Variants in GRIA1 observed in about 807,000 individuals in gnomAD.
GRIA1 encodes the protein glutamate ionotropic receptor AMPA type subunit 1.
In GRIA1, 31 loss-of-function variants were observed where a neutral mutation model predicts 99.2. The observed-to-expected ratio is 0.31, with a 90% CI of 0.23 to 0.42. GRIA1 has a LOEUF of 0.42. Among genes scored for constraint, GRIA1 ranks in the 10% least tolerant of loss-of-function variants. GRIA1 has a pLI of 1.00. For synonymous variants in GRIA1, 438 were observed against 432.4 expected (o/e 1.01, Z -0.16); for missense variants, 782 against 1,157.5 (o/e 0.68, Z 4.71).
intron 2 of GRIA1, among the ~76,000 whole-genome samples, chr5:153,548,465 C>G (rs568997533): frequency 6.6e-6 from 1 of 152,256 alleles, no homozygotes; most frequent in South Asian, 2.1e-4. Context: ...CTAAATGTCC[C>G]TGTTGTCAGA....
chr5:153,746,198 G>A (rs1187859256), intron 11 of GRIA1, among the ~76,000 whole-genome samples: 1 of 152,116 alleles, frequency 6.6e-6, no homozygotes, highest in Admixed American at 6.5e-5. Flanking sequence ...AATTGGCTGG[G>A]GAGTTTCTGA....
At chr5:153,500,730 G>A (rs1361171173) in intron 2 of GRIA1, among the ~76,000 whole-genome samples, 1 of 150,994 alleles carries the variant, frequency 6.6e-6, no homozygotes, top group Non-Finnish European at 1.5e-5. Flanking sequence ...AGTTGAATTT[G>A]GAAAGATAGG....
intron 2 of GRIA1, among the ~76,000 whole-genome samples, chr5:153,528,394 C>A (rs1207349967): frequency 6.6e-6 from 1 of 152,132 alleles, no homozygotes; most frequent in Admixed American, 6.5e-5. Context: ...TCTGCAAACC[C>A]ACTATTCTAG....
intron 2 of GRIA1, among the ~76,000 whole-genome samples, chr5:153,524,156 G>A (rs1757400230): frequency 6.6e-6 from 1 of 152,104 alleles, no homozygotes; most frequent in Non-Finnish European, 1.5e-5. Context: ...TGAAATCCCT[G>A]TCTCCACTAA....
chr5:153,702,973 T>G (rs528146193), intron 10 of GRIA1, among the ~76,000 whole-genome samples: 3 of 152,310 alleles, frequency 2.0e-5, no homozygotes, highest in South Asian at 4.1e-4. Context: ...AATCAGCCAG[T>G]TGCAGAGAAG....
At chr5:153,789,881 ATTG>A (rs56804040) in intron 13 of GRIA1, among the ~76,000 whole-genome samples, 41,958 of 151,726 alleles carry the variant, frequency 0.28, 6,071 homozygotes, top group South Asian at 0.39. Flanking sequence ...TCATAATAAT[ATTG>A]TTGTTGTTGT....
chr5:153,626,459 T>C (rs1767628224), intron 2 of GRIA1, among the ~76,000 whole-genome samples: 2 of 149,180 alleles, frequency 1.3e-5, no homozygotes, highest in African/African-American at 5.0e-5. Context: ...TGTGTGTGTG[T>C]GTGTGTGTGT....
At chr5:153,530,014 C>T (rs1757948966) in intron 2 of GRIA1, among the ~76,000 whole-genome samples, 1 of 152,154 alleles carries the variant, frequency 6.6e-6, no homozygotes, top group Non-Finnish European at 1.5e-5. Flanking sequence ...TCAAGTGCTG[C>T]TGCTGCTAAT....
intron 10 of GRIA1, 86 bp from the exon 11 acceptor site, chr5:153,705,611 C>G (rs1758830597): frequency 4.3e-6 from 6 of 1,409,318 alleles, no homozygotes; most frequent in Non-Finnish European, 5.5e-6. Flanking sequence ...AAAGAATAGT[C>G]ACAATGAGAA....
rs1244792378 is a variant in GRIA1 at position 153,490,958 on chromosome 5, A to C, written c.70A>C (p.Asn24His). The C allele has an allele frequency of 1.9e-6, 3 of 1,613,902 alleles. No individual in the cohort carries two copies. In the Admixed American group the frequency reaches 5.0e-5, roughly 27 times the overall value. The stretch of plus-strand genomic sequence containing the variant: ...GGTAGTAGGTGCCAATTTCCCCAAC[A>C]ATATCCAGATCGGTGAGTGAGGGGG... Reference protein sequence around the residue: ...GAVVGANFPNNIQIGGLFPNQ... With the variant: ...GAVVGANFPNHIQIGGLFPNQ... The change falls in exon 1 of 16, where the codon AAT becomes CAT. Residue 24 changes from asparagine (N) to histidine (H), a missense_variant. Physicochemically the swap from Asn to His is moderately conservative, Grantham distance 68 (BLOSUM62 1). This residue lies in a region of GRIA1 where 461 missense variants were observed against 521.7 expected (regional missense o/e 0.88). Coordinates refer to ENST00000285900, the MANE Select transcript of GRIA1 (RefSeq NM_000827.4).
At chr5:153,545,606 G>A (rs1431483388) in intron 2 of GRIA1, among the ~76,000 whole-genome samples, 5 of 152,128 alleles carry the variant, frequency 3.3e-5, no homozygotes, top group Non-Finnish European at 7.4e-5. Context: ...CAATGTGGGA[G>A]CTAACTGCAT....
At chr5:153,559,768 G>A (rs966635640) in intron 2 of GRIA1, among the ~76,000 whole-genome samples, 4 of 151,970 alleles carry the variant, frequency 2.6e-5, no homozygotes, top group Non-Finnish European at 4.4e-5. Context: ...ATATAAGCAG[G>A]TCATTGTTAA....
At chr5:153,741,956 A>G (rs1385020853) in intron 11 of GRIA1, among the ~76,000 whole-genome samples, 1 of 150,472 alleles carries the variant, frequency 6.6e-6, no homozygotes, top group Non-Finnish European at 1.5e-5. Flanking sequence ...AAAAAGAAAA[A>G]GAGGAAATAT....
At chr5:153,557,103 G>T (rs1041773806) in intron 2 of GRIA1, among the ~76,000 whole-genome samples, 2 of 152,100 alleles carry the variant, frequency 1.3e-5, no homozygotes, top group Non-Finnish European at 2.9e-5. Context: ...CCTGTATAAG[G>T]CACTTACCAT....
At chr5:153,688,909 G>A (rs1024807148) in intron 8 of GRIA1, among the ~76,000 whole-genome samples, 4 of 152,120 alleles carry the variant, frequency 2.6e-5, no homozygotes, top group East Asian at 1.9e-4. Context: ...GGGTAGACAC[G>A]GGGTTTCTCA....
intron 5 of GRIA1, among the ~76,000 whole-genome samples, chr5:153,662,389 C>T (rs2149472496): frequency 6.6e-6 from 1 of 152,308 alleles, no homozygotes; most frequent in South Asian, 2.1e-4. Flanking sequence ...ATAACATTCT[C>T]AAAAGAATGC....
At chr5:153,556,966 T>C (rs1164085749) in intron 2 of GRIA1, among the ~76,000 whole-genome samples, 1 of 152,236 alleles carries the variant, frequency 6.6e-6, no homozygotes, top group Non-Finnish European at 1.5e-5. Context: ...TACAAACCTG[T>C]GCAGCATGTT....
intron 11 of GRIA1, among the ~76,000 whole-genome samples, chr5:153,724,096 G>A (rs528560380): frequency 1.0e-3 from 152 of 152,290 alleles, no homozygotes; most frequent in African/African-American, 3.0e-3. Context: ...ACGAAAATCC[G>A]CGGTTCTGCA....
intron 2 of GRIA1, among the ~76,000 whole-genome samples, chr5:153,629,033 G>A (rs1180756036): frequency 6.6e-6 from 1 of 152,162 alleles, no homozygotes; most frequent in Non-Finnish European, 1.5e-5. Context: ...TCCAGCCCAG[G>A]GACAGGAAGA....
Sources: gnomAD v4.1 joint callset for allele counts (sites outside exome capture counted in the v4.1 genomes callset) on GRCh38, gnomAD v4.1.1 for gene constraint, gnomAD v4.1.1 regional missense constraint, MANE v1.5 for transcripts, NCBI Gene and HGNC (gene_info 2026-07-23, HGNC 2026-07-21) for gene names.